ARHGAP6: variants seen among roughly 807,000 people sequenced by gnomAD.
ARHGAP6 encodes the protein rho GTPase-activating protein 6.
ARHGAP6 carries 16 observed loss-of-function variants against 55.7 expected under a neutral mutation model. The ratio of observed to expected loss-of-function variants is 0.29; its 90% CI spans 0.19 to 0.44. The LOEUF (loss-of-function observed/expected upper bound fraction) is 0.44, where lower values mean the gene tolerates loss of function less well. ARHGAP6 is among the 20% of genes least tolerant of loss of function. The pLI is 1.00. For synonymous variants in ARHGAP6, 382 were observed against 360.9 expected (o/e 1.06, Z -0.66); for missense variants, 698 against 808.9 (o/e 0.86, Z 1.66).
At chrX:11,644,025 C>T (rs150624584) in intron 1 of ARHGAP6, among the ~76,000 whole-genome samples, 29 of 111,819 alleles carry the variant, frequency 2.6e-4, no homozygotes, top group Non-Finnish European at 4.1e-4. Context: ...TTGCATGAAA[C>T]CAAGTGTTGT....
intron 1 of ARHGAP6, among the ~76,000 whole-genome samples, chrX:11,284,439 G>T (rs183793267): frequency 8.9e-6 from 1 of 111,819 alleles, no homozygotes; most frequent in East Asian, 2.8e-4. Flanking sequence ...ATTATTAACT[G>T]ACATTTTATA....
intron 1 of ARHGAP6, chrX:11,298,562 T>C: frequency 8.3e-7 from 1 of 1,211,314 alleles, no homozygotes; most frequent in Non-Finnish European, 1.1e-6. Flanking sequence ...CTTCCTATGG[T>C]TACGAGCCCA....
intron 1 of ARHGAP6, among the ~76,000 whole-genome samples, chrX:11,502,756 G>T (rs1569369590): frequency 1.8e-5 from 2 of 111,797 alleles, no homozygotes; most frequent in Admixed American, 1.9e-4. Context: ...TTTATTGGAA[G>T]AATACAGGGT....
intron 1 of ARHGAP6, among the ~76,000 whole-genome samples, chrX:11,398,277 A>G (rs953135238): frequency 1.8e-5 from 2 of 110,337 alleles, no homozygotes; most frequent in African/African-American, 3.3e-5. Context: ...AAAAAAAAAA[A>G]AAAAAAGAAA....
At chrX:11,339,549 G>T (rs1284975784) in intron 1 of ARHGAP6, among the ~76,000 whole-genome samples, 2 of 110,389 alleles carry the variant, frequency 1.8e-5, no homozygotes, top group East Asian at 5.7e-4. Context: ...TCTCCCTCAT[G>T]GTGGGCCCTC....
chrX:11,551,570 T>C (rs957915568), intron 1 of ARHGAP6, among the ~76,000 whole-genome samples: 1 of 111,758 alleles, frequency 8.9e-6, no homozygotes, highest in Admixed American at 9.5e-5. Flanking sequence ...AAAAGATATG[T>C]TGGAGTCCTT....
At chrX:11,567,772 G>A (rs142369607) in intron 1 of ARHGAP6, among the ~76,000 whole-genome samples, 283 of 109,205 alleles carry the variant, frequency 2.6e-3, no homozygotes, top group African/African-American at 9.1e-3. Context: ...GGACTGAGGC[G>A]ACCCTCCATT....
chrX:11,529,044 TCACA>T (rs1285308786), intron 1 of ARHGAP6, among the ~76,000 whole-genome samples: 2 of 111,882 alleles, frequency 1.8e-5, no homozygotes, highest in Admixed American at 1.9e-4. Context: ...GCTTCTGATG[TCACA>T]CACACAATCT....
chrX:11,543,832 G>C (rs1020381120), intron 1 of ARHGAP6, among the ~76,000 whole-genome samples: 1 of 112,280 alleles, frequency 8.9e-6, no homozygotes, highest in Non-Finnish European at 1.9e-5. Flanking sequence ...TGTAGAAAGA[G>C]GGACAGAAAG....
At chrX:11,280,795 A>C (rs1209204688) in intron 1 of ARHGAP6, among the ~76,000 whole-genome samples, 2 of 109,931 alleles carry the variant, frequency 1.8e-5, no homozygotes, top group African/African-American at 3.3e-5. Flanking sequence ...AGTTCTGTGA[A>C]TACCATTTGA....
intron 1 of ARHGAP6, among the ~76,000 whole-genome samples, chrX:11,371,222 T>C (rs5935043): frequency 0.056 from 6,212 of 111,875 alleles, 169 homozygotes; most frequent in Middle Eastern, 0.13. Flanking sequence ...AGATTGGTTC[T>C]ACAAGCACAC....
intron 1 of ARHGAP6, among the ~76,000 whole-genome samples, chrX:11,553,243 AT>A (rs35101240): frequency 0.22 from 21,981 of 97,983 alleles, 2,013 homozygotes; most frequent in Middle Eastern, 0.3. Flanking sequence ...TGCTTAGAAC[AT>A]TTTTTTTTTT....
intron 1 of ARHGAP6, among the ~76,000 whole-genome samples, chrX:11,295,902 C>T (rs1437951881): frequency 8.9e-6 from 1 of 111,845 alleles, no homozygotes; most frequent in Non-Finnish European, 1.9e-5. Context: ...TTCTGCATGA[C>T]CGTCTCTCCT....
At chrX:11,230,499 A>G (rs1602922430) in intron 2 of ARHGAP6, among the ~76,000 whole-genome samples, 1 of 111,166 alleles carries the variant, frequency 9.0e-6, no homozygotes, top group East Asian at 2.8e-4. Flanking sequence ...CCCGGCCAAA[A>G]GTTGATATTT....
intron 1 of ARHGAP6, among the ~76,000 whole-genome samples, chrX:11,517,166 C>T (rs1356357597): frequency 8.9e-6 from 1 of 111,818 alleles, no homozygotes; most frequent in East Asian, 2.8e-4. Flanking sequence ...GTCATTCATC[C>T]TTTACCCAAG....
At chrX:11,300,628 G>A (rs1322207023) in intron 1 of ARHGAP6, 3 of 1,193,426 alleles carry the variant, frequency 2.5e-6, no homozygotes, top group South Asian at 1.8e-5. Context: ...CAGAAGATGA[G>A]AGGGGAATGA....
chrX:11,596,766 T>C (rs1442542049), intron 1 of ARHGAP6, among the ~76,000 whole-genome samples: 1 of 111,332 alleles, frequency 9.0e-6, no homozygotes, highest in Non-Finnish European at 1.9e-5. Flanking sequence ...CTCATACTTA[T>C]CTTTGATACT....
At chrX:11,161,505 T>C (rs2045944245) in intron 9 of ARHGAP6, among the ~76,000 whole-genome samples, 1 of 111,350 alleles carries the variant, frequency 9.0e-6, no homozygotes, top group Non-Finnish European at 1.9e-5. Context: ...GACACATCAA[T>C]CACCTTCTTT....
At chrX:11,155,527 T>C (rs975674412) in intron 10 of ARHGAP6, among the ~76,000 whole-genome samples, 1 of 111,541 alleles carries the variant, frequency 9.0e-6, no homozygotes, top group Middle Eastern at 4.6e-3. Flanking sequence ...CTCGAACTCC[T>C]GACCTCAGGT....
Sources: allele counts gnomAD v4.1 joint callset (sites outside exome capture counted in the v4.1 genomes callset), GRCh38; gene constraint gnomAD v4.1.1; transcripts MANE v1.5; gene names NCBI Gene and HGNC (gene_info 2026-07-23, HGNC 2026-07-21).